Variants in RBP5 observed in about 807,000 individuals in gnomAD.
The protein encoded by RBP5 is retinol binding protein 5.
A neutral mutation model predicts 17.8 loss-of-function variants in RBP5; 12 were observed. That is an observed-to-expected ratio of 0.67 (90% CI 0.43 to 1.09). The LOEUF is 1.09. Among genes scored for constraint, RBP5 ranks in the 50% least tolerant of loss-of-function variants. The probability of loss-of-function intolerance (pLI) is 0.00; values close to 1 mark genes in which losing one functional copy is unlikely to be tolerated. For synonymous variants in RBP5, 64 were observed against 68.1 expected, an observed-to-expected ratio of 0.94 and a Z score of 0.30; for missense variants, 172 against 169.4, an observed-to-expected ratio of 1.02 and a Z score of -0.09.
At position 7,117,792 on chromosome 12, in the gene RBP5, G is replaced by T. The variant is rs1390722497; in HGVS notation, n.890-485C>A. 6.6e-6 allele frequency: 1 copy of T among 152,182 alleles called. No individual in the cohort carries two copies. Among genetic ancestry groups the T allele is most frequent in the African/African-American group, 2.4e-5 (1 of 41,448 alleles). 9.4% of individuals were successfully genotyped at this position (152,182 alleles called of 1,614,324 possible). ...AAGACAAGGTCTCCATCAGCAGATTGCCCAACAGAACAAGTTCAGAGCCCA... is the reference window on the plus strand; with the variant it reads ...AAGACAAGGTCTCCATCAGCAGATTTCCCAACAGAACAAGTTCAGAGCCCA... On this transcript the variant is annotated intron_variant and non_coding_transcript_variant, in intron 3 of 3. Coordinates refer to the RBP5 transcript ENST00000619522. This position sits in a 1 kb window ranked among gnomAD's most constrained non-coding sequence, Gnocchi z 4.9.
At position 7,128,339 on chromosome 12, in the gene RBP5, C is replaced by T. The variant is rs749714864; in HGVS notation, c.153G>A (p.Thr51=). The T allele has an allele frequency of 4.3e-6, 7 of 1,613,830 alleles. No individual in the cohort carries two copies. The highest frequency in any genetic ancestry group is 1.3e-5 in the African/African-American group (1 of 74,824). The change falls in exon 2 of 4, where the codon ACG becomes ACA. Residue 51 remains threonine (T), a synonymous_variant. Coordinates refer to ENST00000266560, the MANE Select transcript of RBP5 (RefSeq NM_031491.4). The surrounding 1 kb of genome is among the most constrained non-coding windows in gnomAD (Gnocchi z 5.3). The part of the protein sequence containing the change: ...KEIEHQGNHM[T]VRTLSTFRNY... ...TTCGGAAGGTGCTGAGCGTCCTCAC[C>T]GTCATGTGGTTGCCCTGGTGTTCGA... is the stretch of plus-strand genomic sequence containing the variant.
At chr12:7,123,532 T>C (rs1035895735), downstream of RBP5, among the ~76,000 whole-genome samples, 5 of 152,026 alleles carry the variant, frequency 3.3e-5, no homozygotes, top group Non-Finnish European at 7.4e-5. Flanking sequence ...TCCCAACACA[T>C]AGGATGGAAG....
rs947239841 is a variant in RBP5, at chr12:7,117,719, C to T, written n.890-412G>A. On this transcript the variant is annotated intron_variant and non_coding_transcript_variant, in intron 3 of 3. Coordinates refer to the RBP5 transcript ENST00000619522. This position sits in a 1 kb window ranked among gnomAD's most constrained non-coding sequence, Gnocchi z 4.9. Reference sequence around the variant, plus strand: ...GGAAGACAAGTCCCAGATAGAATGCCCTTTGCAACCTAGGGGGAGCTGACC... The same window carrying T: ...GGAAGACAAGTCCCAGATAGAATGCTCTTTGCAACCTAGGGGGAGCTGACC... 1.3e-5 allele frequency: 2 copies of T among 152,098 alleles called. No homozygotes were observed. The highest frequency in any genetic ancestry group is 2.9e-5 in the Non-Finnish European group (2 of 68,020). The allele number at this position is 152,098 out of a possible 1,614,324, so 9.4% of individuals were successfully genotyped here. A position where few individuals can be genotyped will look rare whatever the true frequency, so the allele number is the denominator to read the frequency against.
upstream of RBP5, chr12:7,129,776 G>A: frequency 6.1e-6 from 6 of 985,528 alleles, no homozygotes; most frequent in Non-Finnish European, 4.8e-6. The surrounding 1 kb of genome is among the most constrained non-coding windows in gnomAD (Gnocchi z 5.5). Flanking sequence ...GGTGAAATTC[G>A]GGGCGAAGGA....
In RBP5 at chr12:7,128,764, G is replaced by A. The variant is rs777662384; in HGVS notation, c.12C>T (p.Asn4=). 2.5e-6 allele frequency: 4 copies of A among 1,602,650 alleles called. No homozygotes were observed. Among genetic ancestry groups the A allele is most frequent in the Non-Finnish European group, 3.4e-6 (4 of 1,174,508 alleles). Residue 4 remains asparagine (N), a synonymous_variant, in exon 1 of 4, where the codon AAC becomes AAT. Transcript: ENST00000266560. The surrounding 1 kb of genome is among the most constrained non-coding windows in gnomAD (Gnocchi z 5.3). The part of the protein sequence containing the change: MPP[N]LTGYYRFVSQ... ...AGACAAAGCGGTAGTAGCCAGTGAG[G>A]TTGGGAGGCATTGTGTGGATGAAGG...
Position 7,128,231 on chromosome 12 carries a change from G to A in RBP5, c.252+9C>T, listed in dbSNP as rs944742234. On this transcript the variant is annotated intron_variant, in intron 2 of 3. Coordinates refer to ENST00000266560, the MANE Select transcript of RBP5 (RefSeq NM_031491.4). This position sits in a 1 kb window ranked among gnomAD's most constrained non-coding sequence, Gnocchi z 5.3. ...CCTTCCGGCCACCGCCCAGCCAGGG[G>A]AAATGTACCTGGCATTTTCGTCCGT... is the stretch of plus-strand genomic sequence containing the variant. 8 of 1,604,872 alleles carry A rather than the reference G, an allele frequency of 5.0e-6. No individual in the cohort carries two copies. Among genetic ancestry groups the A allele is most frequent in the Middle Eastern group, 1.7e-4 (1 of 6,012 alleles).
Position 7,123,798 on chromosome 12 carries a change from G to A in RBP5, c.*323C>T. On this transcript the variant is annotated 3_prime_UTR_variant, in exon 4 of 4. Transcript: ENST00000266560. ...CCCAAAGCTTAGTTCTTTCTTAGAA[G>A]GAAAAGAAGAGGTCAAATGGACAGG... is the stretch of plus-strand genomic sequence containing the variant. The A allele has an allele frequency of 3.6e-6, 1 of 275,450 alleles. No individual in the cohort carries two copies. The highest frequency in any genetic ancestry group is 6.9e-6 in the Non-Finnish European group (1 of 145,842). The allele number at this position is 275,450 out of a possible 1,614,324, so 17.1% of individuals were successfully genotyped here.
chr12:7,125,790 C>A (rs1415712464), intron 2 of RBP5, among the ~76,000 whole-genome samples: 1 of 152,172 alleles, frequency 6.6e-6, no homozygotes, highest in African/African-American at 2.4e-5. Flanking sequence ...AGAGTTGATT[C>A]ACAGAGACCC....
Position 7,117,673 on chromosome 12 carries a change from A to T in RBP5, n.890-366T>A, listed in dbSNP as rs1939022394. 1 of 152,212 alleles carries T rather than the reference A, an allele frequency of 6.6e-6. No individual in the cohort carries two copies. Among genetic ancestry groups the T allele is most frequent in the Non-Finnish European group, 1.5e-5 (1 of 68,052 alleles). The allele number at this position is 152,212 out of a possible 1,614,324, so 9.4% of individuals were successfully genotyped here. A position where few individuals can be genotyped will look rare whatever the true frequency, so the allele number is the denominator to read the frequency against. On this transcript the variant is annotated intron_variant and non_coding_transcript_variant, in intron 3 of 3. Transcript: ENST00000619522. The surrounding 1 kb of genome is among the most constrained non-coding windows in gnomAD (Gnocchi z 4.9). ...TTTCAAAAGAACCAAGAAGCTGTTGAAAAGGAGAGCAGATGGGCAGGGAAG... is the reference window on the plus strand; with the variant it reads ...TTTCAAAAGAACCAAGAAGCTGTTGTAAAGGAGAGCAGATGGGCAGGGAAG...
intron 2 of RBP5, among the ~76,000 whole-genome samples, chr12:7,126,711 C>G (rs959257497): frequency 2.6e-5 from 4 of 152,100 alleles, no homozygotes; most frequent in African/African-American, 9.7e-5. Flanking sequence ...CCTTGGCATT[C>G]AAATGGAAAT....
rs1368481565 is a variant in RBP5, at chr12:7,124,240, C to G, written c.355-66G>C. 2.0e-6 allele frequency: 3 copies of G among 1,494,866 alleles called. No individual in the cohort carries two copies. Among genetic ancestry groups the G allele is most frequent in the Non-Finnish European group, 2.8e-6 (3 of 1,073,476 alleles). 92.6% of individuals were successfully genotyped at this position (1,494,866 alleles called of 1,614,324 possible). A position where few individuals can be genotyped will look rare whatever the true frequency, so the allele number is the denominator to read the frequency against. ...CGTTTGCCAGCCAGAGCCCCTTTCT[C>G]AAGGTCCTTGACCTCCATTTACTCC... On this transcript the variant is annotated intron_variant, in intron 3 of 3. Transcript: ENST00000266560. This position sits in a 1 kb window ranked among gnomAD's most constrained non-coding sequence, Gnocchi z 5.3.
In RBP5 at chr12:7,117,864, G is replaced by A. The variant is rs1008376927; in HGVS notation, n.890-557C>T. The A allele has an allele frequency of 1.3e-5, 2 of 152,160 alleles. No individual in the cohort carries two copies. The highest frequency in any genetic ancestry group is 4.8e-5 in the African/African-American group (2 of 41,434). The allele number at this position is 152,160 out of a possible 1,614,324, so 9.4% of individuals were successfully genotyped here. The stretch of plus-strand genomic sequence containing the variant: ...AGATCTCCCACACCCTGTGGGCTCT[G>A]TGTGGACTTTCGTCCTGAAACAAAG... On this transcript the variant is annotated intron_variant and non_coding_transcript_variant, in intron 3 of 3. Coordinates refer to the RBP5 transcript ENST00000619522. The surrounding 1 kb of genome is among the most constrained non-coding windows in gnomAD (Gnocchi z 4.9).
At chr12:7,115,922 G>A (rs945555096) in exon 4 of RBP5, 1 of 152,186 alleles carries the variant, frequency 6.6e-6, no homozygotes, top group African/African-American at 2.4e-5. Flanking sequence ...CAGATCTCAT[G>A]AGAATTCCAT....
At chr12:7,127,128 G>A (rs1939184215) in intron 2 of RBP5, among the ~76,000 whole-genome samples, 1 of 152,046 alleles carries the variant, frequency 6.6e-6, no homozygotes, top group South Asian at 2.1e-4. Flanking sequence ...GAGTAGCTGG[G>A]ATTACAGGCA....
intron 2 of RBP5, among the ~76,000 whole-genome samples, chr12:7,125,367 C>T (rs751133244): frequency 9.9e-5 from 15 of 152,192 alleles, no homozygotes; most frequent in African/African-American, 3.6e-4. Context: ...CCTAGAGGGA[C>T]TTTTGAGAAA....
intron 2 of RBP5, among the ~76,000 whole-genome samples, chr12:7,126,069 C>CAA (rs34064255): frequency 0.48 from 66,544 of 139,750 alleles, 16,470 homozygotes; most frequent in South Asian, 0.61. Flanking sequence ...CCACCTCTAC[C>CAA]AAAAAAAAAA....
upstream of RBP5, chr12:7,129,568 C>A (rs764213436): frequency 1.0e-6 from 1 of 970,694 alleles, no homozygotes; most frequent in East Asian, 1.1e-4. The surrounding 1 kb of genome is among the most constrained non-coding windows in gnomAD (Gnocchi z 5.5). Flanking sequence ...GGTTTTCTCT[C>A]CCTCTGAGTC....
intron 2 of RBP5, chr12:7,127,769 A>T (rs1565645751): frequency 1.4e-6 from 1 of 698,598 alleles, no homozygotes; most frequent in South Asian, 1.5e-5. Context: ...GATAGTGGGC[A>T]GACAAAAGGG....
Position 7,124,210 on chromosome 12 carries a change from G to C in RBP5, c.355-36C>G. 1 of 1,606,932 alleles carries C rather than the reference G, an allele frequency of 6.2e-7. No individual in the cohort carries two copies. The highest frequency in any genetic ancestry group is 1.7e-5 in the Admixed American group (1 of 60,002). On this transcript the variant is annotated intron_variant, in intron 3 of 3. Transcript: ENST00000266560. This position sits in a 1 kb window ranked among gnomAD's most constrained non-coding sequence, Gnocchi z 5.3. ...AGGGGAAGTGAGGGGGAGAGAGAAA[G>C]AGGGCGTTTGCCAGCCAGAGCCCCT... is the stretch of plus-strand genomic sequence containing the variant.
Sources: gnomAD v4.1 joint callset for allele counts (sites outside exome capture counted in the v4.1 genomes callset) on GRCh38, gnomAD v4.1.1 for gene constraint, Gnocchi (gnomAD v3.1) non-coding constraint, MANE v1.5 for transcripts, NCBI Gene and HGNC (gene_info 2026-07-23, HGNC 2026-07-21) for gene names.